The following TENM1 variants were observed in gnomAD, a reference collection of about 807,000 sequenced individuals.
TENM1 encodes the protein teneurin-1.
Under a neutral mutation model 174.8 loss-of-function variants are expected in TENM1, and 35 were observed. The observed-to-expected ratio is 0.20, with a 90% CI of 0.15 to 0.27. TENM1 has a LOEUF of 0.27. Among genes scored for constraint, TENM1 ranks in the 10% least tolerant of loss-of-function variants. The pLI is 1.00. For synonymous variants in TENM1, 781 were observed against 798.7 expected (o/e 0.98, Z 0.37); for missense variants, 1,633 against 2,130.1 (o/e 0.77, Z 4.59).
intron 1 of TENM1, among the ~76,000 whole-genome samples, chrX:124,951,670 A>ATG (rs1569487540): frequency 2.3e-4 from 15 of 66,593 alleles, no homozygotes; most frequent in Non-Finnish European, 3.4e-4. Context: ...ATATATATAT[A>ATG]TATAACAATC....
the TENM1 span, among the ~76,000 whole-genome samples, chrX:124,978,777 T>G: frequency 3.6e-5 from 4 of 111,961 alleles, no homozygotes; most frequent in Non-Finnish European, 7.5e-5. Flanking sequence ...TCACTCAATG[T>G]TGATGCCATC....
intron 3 of TENM1, among the ~76,000 whole-genome samples, chrX:124,837,099 T>C (rs922732073): frequency 8.9e-6 from 1 of 112,464 alleles, no homozygotes; most frequent in Non-Finnish European, 1.9e-5. Context: ...TGTCTCTTTT[T>C]TCTTTTGAGA....
At chrX:125,104,483 G>A in the TENM1 span, among the ~76,000 whole-genome samples, 1 of 111,524 alleles carries the variant, frequency 9.0e-6, no homozygotes, top group Admixed American at 9.5e-5. Flanking sequence ...CATTGACAAT[G>A]TCCTTCACAA....
rs544545379 is a variant in TENM1, at chrX:124,391,397, T to C, written c.5688+655A>G. On this transcript the variant is annotated intron_variant, in intron 28 of 31. Coordinates refer to ENST00000422452, the Ensembl canonical transcript of TENM1. ...TACTCTTACTGTCCTCTGGTACCAATCTGGCCAGAAACCATTTTGCTCTGT... is the reference window on the plus strand; with the variant it reads ...TACTCTTACTGTCCTCTGGTACCAACCTGGCCAGAAACCATTTTGCTCTGT... 4.5e-5 allele frequency among the ~76,000 whole-genome samples: 5 copies of C among 111,851 alleles called. No homozygotes were observed. The East Asian group carries it at 1.4e-3, about 31-fold the overall frequency.
intron 3 of TENM1, among the ~76,000 whole-genome samples, chrX:124,819,593 C>T (rs1198721253): frequency 3.6e-5 from 4 of 110,209 alleles, no homozygotes; most frequent in Non-Finnish European, 7.6e-5. Flanking sequence ...AGGCAAGAGG[C>T]AAGAGAACAT....
intron 3 of TENM1, among the ~76,000 whole-genome samples, chrX:124,859,796 A>C (rs1317300414): frequency 1.8e-5 from 2 of 111,756 alleles, no homozygotes; most frequent in Non-Finnish European, 3.8e-5. Context: ...ATCATATCCA[A>C]GTTGGAAAAT....
the TENM1 span, among the ~76,000 whole-genome samples, chrX:125,065,656 A>C: frequency 8.9e-6 from 1 of 112,363 alleles, no homozygotes; most frequent in African/African-American, 3.2e-5. Flanking sequence ...AAAGTATACA[A>C]CTTTTAATTT....
At chrX:124,398,013 G>T (rs113681760) in intron 27 of TENM1, among the ~76,000 whole-genome samples, 20 of 109,647 alleles carry the variant, frequency 1.8e-4, no homozygotes, top group African/African-American at 4.9e-4. Flanking sequence ...CGGATCACAA[G>T]GTCAGGAGAT....
chrX:125,018,581 A>G, the TENM1 span, among the ~76,000 whole-genome samples: 2 of 111,357 alleles, frequency 1.8e-5, no homozygotes, highest in African/African-American at 6.5e-5. Context: ...AGCAAGCATA[A>G]TATTTTTAAA....
At chrX:124,981,417 C>T in the TENM1 span, among the ~76,000 whole-genome samples, 1 of 111,614 alleles carries the variant, frequency 9.0e-6, no homozygotes, top group Non-Finnish European at 1.9e-5. Context: ...TAACTGCACC[C>T]GAGAGCCATG....
At chrX:125,171,207 A>G in the TENM1 span, among the ~76,000 whole-genome samples, 2 of 110,371 alleles carry the variant, frequency 1.8e-5, no homozygotes, top group Non-Finnish European at 3.8e-5. Flanking sequence ...AATTTTTAAC[A>G]TATAATGTGT....
intron 3 of TENM1, among the ~76,000 whole-genome samples, chrX:124,740,667 T>C (rs991138940): frequency 4.5e-5 from 5 of 112,075 alleles, no homozygotes; most frequent in African/African-American, 1.3e-4. Context: ...TAAGCCTTTA[T>C]GAAATGCAAA....
At chrX:125,006,599 A>G in the TENM1 span, among the ~76,000 whole-genome samples, 1 of 111,667 alleles carries the variant, frequency 9.0e-6, no homozygotes, top group Admixed American at 9.5e-5. Context: ...GGGTCAACAG[A>G]CACTTCATAC....
intron 23 of TENM1, among the ~76,000 whole-genome samples, chrX:124,425,452 TG>T (rs1241254925): frequency 1.8e-5 from 2 of 111,402 alleles, no homozygotes; most frequent in African/African-American, 6.5e-5. Context: ...GTCATAAGGG[TG>T]GGGTCCCCAT....
At chrX:124,719,386 T>G (rs944979997) in intron 4 of TENM1, among the ~76,000 whole-genome samples, 1 of 111,425 alleles carries the variant, frequency 9.0e-6, no homozygotes, top group Non-Finnish European at 1.9e-5. Context: ...AATTGCTTTT[T>G]AAACTGTACC....
intron 11 of TENM1, among the ~76,000 whole-genome samples, chrX:124,592,878 C>G (rs1021933490): frequency 1.8e-5 from 2 of 109,242 alleles, no homozygotes; most frequent in African/African-American, 3.4e-5. Flanking sequence ...TAGTTCTATG[C>G]ACTTCTCTTA....
At chrX:124,783,261 T>C (rs994573366) in intron 3 of TENM1, among the ~76,000 whole-genome samples, 2 of 111,798 alleles carry the variant, frequency 1.8e-5, no homozygotes, top group Non-Finnish European at 3.8e-5. Context: ...AGAAAGATGA[T>C]ATATAGTAAA....
At position 124,471,154 on chromosome X, in the gene TENM1, T is replaced by C. The variant is rs148820018; in HGVS notation, c.3949+10578A>G. Among the ~76,000 whole-genome samples the C allele has an allele frequency of 9.0e-3, 727 of 80,645 alleles. 6 individuals are homozygous for C. Among genetic ancestry groups the C allele is most frequent in the African/African-American group, 0.032 (673 of 20,917 alleles). The allele number at this position is 80,645 out of a possible 115,157, so 70.0% of individuals were successfully genotyped here. On this transcript the variant is annotated intron_variant, in intron 22 of 31. Transcript: ENST00000422452. ...AATATATAGTAATATATAATATATA[T>C]TATGTCATATATAATATATAGTACT...
At chrX:125,013,071 T>C in the TENM1 span, among the ~76,000 whole-genome samples, 1 of 111,812 alleles carries the variant, frequency 8.9e-6, no homozygotes, top group Non-Finnish European at 1.9e-5. Context: ...AAATGTTCAA[T>C]AGCTACAGTT....
Sources: allele counts gnomAD v4.1 joint callset (sites outside exome capture counted in the v4.1 genomes callset), GRCh38; gene constraint gnomAD v4.1.1; transcripts MANE v1.5; gene names NCBI Gene and HGNC (gene_info 2026-07-23, HGNC 2026-07-21).